Variants in ZBTB20 observed in about 807,000 individuals in gnomAD.
ZBTB20 encodes the protein zinc finger and BTB domain containing 20.
Under a neutral mutation model 56.9 loss-of-function variants are expected in ZBTB20, and 9 were observed. That is an observed-to-expected ratio of 0.16 (90% CI 0.10 to 0.28). The LOEUF (loss-of-function observed/expected upper bound fraction) is 0.28, where lower values mean the gene tolerates loss of function less well. ZBTB20 is among the 10% of genes least tolerant of loss of function. The pLI, the probability that ZBTB20 is intolerant of heterozygous loss-of-function variation, is 1.00. For synonymous variants in ZBTB20, 417 were observed against 420.7 expected (o/e 0.99, Z 0.11); for missense variants, 655 against 1,003.0 (o/e 0.65, Z 4.69).
At chr3:114,942,218 C>T (rs1454660217) in intron 3 of ZBTB20, among the ~76,000 whole-genome samples, 1 of 145,640 alleles carries the variant, frequency 6.9e-6, no homozygotes, top group Admixed American at 6.6e-5. Context: ...ATGTAAATTA[C>T]AAAATTTCCT....
intron 5 of ZBTB20, among the ~76,000 whole-genome samples, chr3:114,734,474 T>C (rs895084382): frequency 3.3e-5 from 5 of 152,056 alleles, no homozygotes; most frequent in African/African-American, 9.7e-5. Context: ...TCTTCACTTA[T>C]TGCCATCCAT....
At chr3:114,584,595 T>C (rs2054983751) in intron 6 of ZBTB20, among the ~76,000 whole-genome samples, 7 of 151,806 alleles carry the variant, frequency 4.6e-5, no homozygotes, top group Admixed American at 4.6e-4. Flanking sequence ...TCCACAAAGC[T>C]AAGGTATAGA....
At chr3:114,645,613 T>G (rs961435144) in intron 6 of ZBTB20, among the ~76,000 whole-genome samples, 3 of 152,192 alleles carry the variant, frequency 2.0e-5, no homozygotes, top group African/African-American at 7.2e-5. Flanking sequence ...ATTTTGGTAT[T>G]ACTATTGGAT....
In ZBTB20 at chr3:114,664,604, A is replaced by AACAC. The variant is rs377253945; in HGVS notation, c.-295+28920_-295+28923dup. Among the ~76,000 whole-genome samples the AACAC allele has an allele frequency of 3.1e-3, 461 of 149,122 alleles. 3 individuals carry two copies. The highest frequency in any genetic ancestry group is 6.9e-3 in the Middle Eastern group (2 of 290). ...AGGTCTATTATTTGCCCACCTCCCC[A>AACAC]ACACACACACACACACACACACACG... On this transcript the variant is annotated intron_variant, in intron 6 of 11. Coordinates refer to ENST00000675478, the MANE Select transcript of ZBTB20 (RefSeq NM_001348800.3).
intron 6 of ZBTB20, among the ~76,000 whole-genome samples, chr3:114,511,384 T>C (rs13064586): frequency 0.14 from 21,072 of 152,080 alleles, 1,754 homozygotes; most frequent in Non-Finnish European, 0.2. Context: ...ACTAGTAACA[T>C]GGCTTCAGAG....
chr3:115,025,148 A>G (rs2080368696), intron 2 of ZBTB20, among the ~76,000 whole-genome samples: 1 of 151,274 alleles, frequency 6.6e-6, no homozygotes, highest in South Asian at 2.1e-4. Flanking sequence ...CTATGTGTTC[A>G]TGTGTTCTCA....
rs560716834 is a variant in ZBTB20 at position 114,782,798 on chromosome 3, T to C, written c.-343+18303A>G. ...AATACTAAATCTAAATCTGTGAAAA[T>C]AGAGCTTATATCCTTAATGTAGAAA... On this transcript the variant is annotated intron_variant, in intron 5 of 11. Transcript: ENST00000675478. Among the ~76,000 whole-genome samples, 11 of 152,264 alleles carry C rather than the reference T, an allele frequency of 7.2e-5. 1 individual carries two copies. In the South Asian group the frequency reaches 2.3e-3, roughly 32 times the overall value.
intron 6 of ZBTB20, among the ~76,000 whole-genome samples, chr3:114,671,205 T>C (rs921045505): frequency 2.6e-5 from 4 of 152,096 alleles, no homozygotes; most frequent in African/African-American, 9.7e-5. Context: ...CTTGTTGTTA[T>C]ATGAAACAGT....
At chr3:115,101,408 A>G (rs866923111) in intron 1 of ZBTB20, among the ~76,000 whole-genome samples, 1 of 152,104 alleles carries the variant, frequency 6.6e-6, no homozygotes, top group South Asian at 2.1e-4. Flanking sequence ...ACCCCATCAC[A>G]TGCTTCCCAC....
chr3:114,670,478 T>TAGGGAAACTTGC (rs1367309847), intron 6 of ZBTB20, among the ~76,000 whole-genome samples: 3 of 152,044 alleles, frequency 2.0e-5, no homozygotes. Context: ...TTTTTCTACC[T>TAGGGAAACTTGC]TAAGGGAAGT....
intron 4 of ZBTB20, among the ~76,000 whole-genome samples, chr3:114,805,020 A>G (rs569806265): frequency 6.6e-6 from 1 of 152,024 alleles, no homozygotes; most frequent in Non-Finnish European, 1.5e-5. Context: ...CCTTTAATCT[A>G]TAAATTCTCC....
In ZBTB20 at chr3:114,423,336, C is replaced by T. The variant is rs530961271; in HGVS notation, c.-254-34231G>A. 1.5e-3 allele frequency among the ~76,000 whole-genome samples: 235 copies of T among 152,280 alleles called. 2 individuals carry two copies. The highest frequency in any genetic ancestry group is 5.4e-3 in the African/African-American group (226 of 41,564). ...CTCAGCTCTCATAGACTTAACTAAG[C>T]ATAAAATGTGCTTTACAAATAAAAT... On this transcript the variant is annotated intron_variant, in intron 7 of 11. Transcript: ENST00000675478.
intron 1 of ZBTB20, among the ~76,000 whole-genome samples, chr3:115,130,733 C>A (rs1043058041): frequency 6.6e-6 from 1 of 152,092 alleles, no homozygotes; most frequent in African/African-American, 2.4e-5. Context: ...CCAAAACTAG[C>A]CATAATATTT....
At position 114,672,255 on chromosome 3, in the gene ZBTB20, C is replaced by T. The variant is rs527440465; in HGVS notation, c.-295+21273G>A. ...AATGCTTCAAATAAAAAACGTAAAACCCATCCCATCCCATAAAGGGCCCAC... is the reference window on the plus strand; with the variant it reads ...AATGCTTCAAATAAAAAACGTAAAATCCATCCCATCCCATAAAGGGCCCAC... On this transcript the variant is annotated intron_variant, in intron 6 of 11. Coordinates refer to ENST00000675478, the MANE Select transcript of ZBTB20 (RefSeq NM_001348800.3). Among the ~76,000 whole-genome samples, 6 of 152,064 alleles carry T rather than the reference C, an allele frequency of 3.9e-5. No homozygotes were observed. In the South Asian group the frequency reaches 1.0e-3, roughly 26 times the overall value.
chr3:115,028,005 A>C (rs2080497310), intron 2 of ZBTB20, among the ~76,000 whole-genome samples: 1 of 150,802 alleles, frequency 6.6e-6, no homozygotes, highest in African/African-American at 2.4e-5. Flanking sequence ...AAATTTAGCT[A>C]ATTAACACAT....
intron 7 of ZBTB20, among the ~76,000 whole-genome samples, chr3:114,472,824 AT>A (rs1357277043): frequency 6.6e-6 from 1 of 152,208 alleles, no homozygotes; most frequent in Non-Finnish European, 1.5e-5. Context: ...AGCTGAGGCA[AT>A]GCTGTAATAA....
At chr3:115,115,780 G>A (rs1021154601) in intron 1 of ZBTB20, among the ~76,000 whole-genome samples, 3 of 151,900 alleles carry the variant, frequency 2.0e-5, no homozygotes, top group African/African-American at 7.2e-5. Flanking sequence ...TGAGTCTCAC[G>A]TGACATTAAA....
At chr3:115,058,604 T>C (rs752755597) in intron 2 of ZBTB20, among the ~76,000 whole-genome samples, 2 of 151,984 alleles carry the variant, frequency 1.3e-5, no homozygotes, top group East Asian at 3.9e-4. Context: ...TGGGGGTTGC[T>C]TGTAGTCCCA....
intron 6 of ZBTB20, among the ~76,000 whole-genome samples, chr3:114,663,649 A>T (rs2060880766): frequency 6.6e-6 from 1 of 150,636 alleles, no homozygotes; most frequent in Non-Finnish European, 1.5e-5. Context: ...AACCCATCTC[A>T]CGTGCAGAGA....
Sources: gnomAD v4.1 joint callset for allele counts (sites outside exome capture counted in the v4.1 genomes callset) on GRCh38, gnomAD v4.1.1 for gene constraint, MANE v1.5 for transcripts, NCBI Gene and HGNC (gene_info 2026-07-23, HGNC 2026-07-21) for gene names.